PCDH11Y: variants seen among roughly 807,000 people sequenced by gnomAD.
PCDH11Y encodes the protein protocadherin-11 Y-linked.
For synonymous variants in PCDH11Y, 9 were observed against 83.6 expected, an observed-to-expected ratio of 0.11 and a Z score of 4.87; for missense variants, 12 against 224.8, an observed-to-expected ratio of 0.05 and a Z score of 6.05.
intron 3 of PCDH11Y, among the ~76,000 whole-genome samples, chrY:5,508,168 A>G: frequency 3.0e-5 from 1 of 33,331 alleles, no homozygotes; most frequent in Admixed American, 2.8e-4. Flanking sequence ...GACACTTTTA[A>G]AATTGGACAA....
intron 4 of PCDH11Y, among the ~76,000 whole-genome samples, chrY:5,669,734 T>G: frequency 1.6e-4 from 5 of 31,080 alleles, no homozygotes; most frequent in Admixed American, 1.5e-3. Context: ...GAATCAGGCA[T>G]GCAATATGTA....
chrY:5,115,353 T>C, intron 2 of PCDH11Y, among the ~76,000 whole-genome samples: 1 of 29,840 alleles, frequency 3.4e-5, no homozygotes, highest in Non-Finnish European at 7.9e-5. Context: ...TTTTCTGTGG[T>C]GAATAATCAC....
chrY:5,248,161 G>C, intron 2 of PCDH11Y, among the ~76,000 whole-genome samples: 1 of 28,859 alleles, frequency 3.5e-5, no homozygotes, highest in Non-Finnish European at 8.2e-5. Flanking sequence ...AAGAGGAGCT[G>C]GTACCATTCC....
chrY:5,336,056 G>T, intron 2 of PCDH11Y, among the ~76,000 whole-genome samples: 1 of 31,703 alleles, frequency 3.2e-5, no homozygotes, highest in Non-Finnish European at 7.6e-5. Flanking sequence ...AAATGTATAG[G>T]AAATTGAAAA....
At chrY:5,357,251 GTA>G (rs760306167) in intron 2 of PCDH11Y, among the ~76,000 whole-genome samples, 2,230 of 15,161 alleles carry the variant, frequency 0.15, no homozygotes, top group African/African-American at 0.58. Context: ...ATATATATAC[GTA>G]TATATATATA....
upstream of PCDH11Y, among the ~76,000 whole-genome samples, chrY:5,054,194 C>G (rs1602851332): frequency 2.9e-4 from 9 of 31,349 alleles, no homozygotes; most frequent in South Asian, 6.4e-3. Context: ...GCATGCAATG[C>G]TTTTATTTCT....
chrY:5,134,701 C>T, intron 2 of PCDH11Y, among the ~76,000 whole-genome samples: 1 of 32,613 alleles, frequency 3.1e-5, no homozygotes, highest in Non-Finnish European at 7.5e-5. Context: ...CCCACTTGGT[C>T]ATGATGATTG....
intron 1 of PCDH11Y, among the ~76,000 whole-genome samples, chrY:5,086,948 G>A: frequency 3.0e-5 from 1 of 33,016 alleles, no homozygotes; most frequent in Non-Finnish European, 7.5e-5. Context: ...CAGTCAGCCA[G>A]TGGCAAAGCC....
At chrY:5,080,286 T>G (rs2052717224) in intron 1 of PCDH11Y, among the ~76,000 whole-genome samples, 2 of 33,060 alleles carry the variant, frequency 6.0e-5, no homozygotes, top group Non-Finnish European at 1.5e-4. Flanking sequence ...TCTTGTTTAT[T>G]TAGGATCCCT....
intron 2 of PCDH11Y, among the ~76,000 whole-genome samples, chrY:5,483,584 T>G: frequency 3.1e-5 from 1 of 32,540 alleles, no homozygotes; most frequent in South Asian, 6.9e-4. Context: ...ACTAGCTAAA[T>G]AAACTGCCTT....
Position 5,629,423 on chromosome Y carries a change from A to G in PCDH11Y, c.3352+47625A>G, listed in dbSNP as rs2053510474. 1.4e-4 allele frequency among the ~76,000 whole-genome samples: 5 copies of G among 34,769 alleles called. No homozygotes were observed. In the South Asian group the frequency reaches 3.0e-3, roughly 21 times the overall value. The allele number at this position is 34,769 out of a possible 37,273, so 93.3% of individuals were successfully genotyped here. On this transcript the variant is annotated intron_variant, in intron 4 of 4. Coordinates refer to the PCDH11Y transcript ENST00000400457. ...GTCTATAGAGGTATCCTAAGCTGAC[A>G]CTGTATTTCATTCATTTGGTAATAA...
chrY:5,376,268 A>G (rs2053197772), intron 2 of PCDH11Y, among the ~76,000 whole-genome samples: 2 of 32,226 alleles, frequency 6.2e-5, no homozygotes, highest in African/African-American at 2.4e-4. Flanking sequence ...GGTTCAAGCC[A>G]TTCTCCTGCC....
intron 2 of PCDH11Y, among the ~76,000 whole-genome samples, chrY:5,470,619 G>GT (rs1245191050): frequency 3.4e-5 from 1 of 29,207 alleles, no homozygotes; most frequent in Non-Finnish European, 8.3e-5. Flanking sequence ...TTTCATTTAT[G>GT]TTTTTTTTTG....
chrY:5,053,672 C>T, upstream of PCDH11Y, among the ~76,000 whole-genome samples: 2 of 31,082 alleles, frequency 6.4e-5, no homozygotes, highest in Non-Finnish European at 1.5e-4. Flanking sequence ...ACCCAAATGT[C>T]CATCAATGAT....
intron 3 of PCDH11Y, among the ~76,000 whole-genome samples, chrY:5,047,545 A>T (rs2052645113): frequency 3.0e-5 from 1 of 33,556 alleles, no homozygotes; most frequent in South Asian, 6.5e-4. Context: ...TTAAATGGTT[A>T]ATATTACATT....
At chrY:5,387,808 T>G in intron 2 of PCDH11Y, among the ~76,000 whole-genome samples, 1 of 25,122 alleles carries the variant, frequency 4.0e-5, no homozygotes, top group Admixed American at 3.9e-4. Context: ...GTTAGGTGTG[T>G]CTGAGCTCAG....
chrY:5,023,699 G>A, intron 1 of PCDH11Y, among the ~76,000 whole-genome samples: 1 of 33,365 alleles, frequency 3.0e-5, no homozygotes, highest in East Asian at 8.0e-4. Flanking sequence ...ATATTTGTGT[G>A]TCTTTTGTCA....
chrY:5,627,393 GT>G lies in PCDH11Y; in HGVS notation c.3352+45604del, dbSNP rs2053508139. On this transcript the variant is annotated intron_variant, in intron 4 of 4. Coordinates refer to the PCDH11Y transcript ENST00000400457. ...GCAGTTAAGATAGTAACTCTACTTT[GT>G]TTTTTTTTGGTTTTTTTTTTTTTTG... Among the ~76,000 whole-genome samples, 6 of 20,770 alleles carry G rather than the reference GT, an allele frequency of 2.9e-4. No individual in the cohort carries two copies. In the East Asian group the frequency reaches 4.8e-3, roughly 17 times the overall value. The allele number at this position is 20,770 out of a possible 37,273, so 55.7% of individuals were successfully genotyped here.
intron 2 of PCDH11Y, among the ~76,000 whole-genome samples, chrY:5,181,017 G>C: frequency 3.0e-5 from 1 of 33,452 alleles, no homozygotes; most frequent in African/African-American, 1.2e-4. Context: ...AGTGTCACTA[G>C]TCTGTGTACT....
Sources: gnomAD v4.1 joint callset for allele counts (sites outside exome capture counted in the v4.1 genomes callset) on GRCh38, gnomAD v4.1.1 for gene constraint, MANE v1.5 for transcripts, NCBI Gene and HGNC (gene_info 2026-07-23, HGNC 2026-07-21) for gene names.